Variants in PTPRA observed in about 807,000 individuals in gnomAD.
PTPRA encodes the protein protein tyrosine phosphatase receptor type A.
PTPRA carries 25 observed loss-of-function variants against 104.8 expected under a neutral mutation model. The observed-to-expected ratio is 0.24, with a 90% CI of 0.17 to 0.33. The LOEUF (loss-of-function observed/expected upper bound fraction) is 0.33, where lower values mean the gene tolerates loss of function less well. Ranked by LOEUF, PTPRA falls within the 10% of genes least tolerant of loss-of-function variation. PTPRA has a pLI of 1.00. For synonymous variants in PTPRA, 323 were observed against 368.9 expected, an observed-to-expected ratio of 0.88 and a Z score of 1.43; for missense variants, 765 against 1,015.3, an observed-to-expected ratio of 0.75 and a Z score of 3.35.
chr20:2,875,695 C>G (rs1292012241), intron 1 of PTPRA, among the ~76,000 whole-genome samples: 3 of 152,156 alleles, frequency 2.0e-5, no homozygotes, highest in Non-Finnish European at 4.4e-5. Context: ...TTCCCTCAGT[C>G]TTTTCAACAG....
chr20:2,864,214 A>C, the PTPRA span: 1 of 1,614,106 alleles, frequency 6.2e-7, no homozygotes, highest in East Asian at 2.2e-5. This position sits in a 1 kb window ranked among gnomAD's most constrained non-coding sequence, Gnocchi z 5.2. Flanking sequence ...GGGAGCAGGT[A>C]CCCCTTCTCC....
chr20:2,997,533 A>G (rs557543425), intron 9 of PTPRA, among the ~76,000 whole-genome samples: 1 of 152,324 alleles, frequency 6.6e-6, no homozygotes, highest in East Asian at 1.9e-4. Context: ...AAACTGGACC[A>G]TGGGGGTGAA....
chr20:2,893,991 A>G (rs780073060), intron 1 of PTPRA, among the ~76,000 whole-genome samples: 2 of 152,182 alleles, frequency 1.3e-5, no homozygotes, highest in Non-Finnish European at 2.9e-5. Flanking sequence ...TAATTAAAAT[A>G]ACAATAGCAT....
intron 1 of PTPRA, among the ~76,000 whole-genome samples, chr20:2,896,271 A>C (rs1339854863): frequency 2.6e-5 from 4 of 151,882 alleles, no homozygotes; most frequent in Non-Finnish European, 5.9e-5. Flanking sequence ...CCCAGCTACT[A>C]GGGAGGCTGA....
chr20:2,894,741 C>CT (rs561079473), intron 1 of PTPRA, among the ~76,000 whole-genome samples: 89 of 152,142 alleles, frequency 5.8e-4, no homozygotes, highest in Non-Finnish European at 1.0e-3. Context: ...AATCCCAGCA[C>CT]TTTGGGAGGC....
chr20:3,033,433 C>G (rs1328994087), intron 20 of PTPRA, among the ~76,000 whole-genome samples: 1 of 151,994 alleles, frequency 6.6e-6, no homozygotes, highest in Non-Finnish European at 1.5e-5. Context: ...TCTGAACAAG[C>G]CCTCGTCTCT....
rs913988662 is a variant in PTPRA at position 3,035,677 on chromosome 20, C to T, written c.2013C>T (p.Tyr671=). The T allele has an allele frequency of 2.6e-5, 42 of 1,614,072 alleles. No homozygotes were observed. The highest frequency in any genetic ancestry group is 3.0e-5 in the Non-Finnish European group (35 of 1,180,032). The change falls in exon 21 of 24, where the codon TAC becomes TAT. Residue 671 remains tyrosine, a synonymous_variant. Coordinates refer to ENST00000399903, the MANE Select transcript of PTPRA (RefSeq NM_001385305.1). This position sits in a 1 kb window ranked among gnomAD's most constrained non-coding sequence, Gnocchi z 5.8. ...ELKKEEECES[Y]TVRDLLVTNT... Reference sequence around the variant, plus strand: ...AGAAGGAGGAGGAATGTGAGAGCTACACCGTCCGAGACCTCCTGGTCACCA... The same window carrying T: ...AGAAGGAGGAGGAATGTGAGAGCTATACCGTCCGAGACCTCCTGGTCACCA...
intron 1 of PTPRA, among the ~76,000 whole-genome samples, chr20:2,914,445 C>CTGTGTGTGTGTG (rs35272226): frequency 4.9e-4 from 71 of 145,720 alleles, no homozygotes; most frequent in South Asian, 4.2e-3. Context: ...ATTTCTTGCT[C>CTGTGTGTGTGTG]TGTGTGTGTG....
chr20:2,865,344 G>C, the PTPRA span: 1 of 1,613,956 alleles, frequency 6.2e-7, no homozygotes, highest in Non-Finnish European at 8.5e-7. This position sits in a 1 kb window ranked among gnomAD's most constrained non-coding sequence, Gnocchi z 5.2. Context: ...GCTGCATGTG[G>C]GTCCCAGGAC....
chr20:3,001,063 A>G (rs753480685), intron 9 of PTPRA, among the ~76,000 whole-genome samples: 36 of 152,222 alleles, frequency 2.4e-4, no homozygotes, highest in Admixed American at 1.8e-3. Flanking sequence ...GGTTCCAGTT[A>G]AGGCTTAAAC....
intron 9 of PTPRA, among the ~76,000 whole-genome samples, chr20:2,997,016 G>A (rs934828702): frequency 9.2e-5 from 14 of 152,172 alleles, no homozygotes; most frequent in African/African-American, 3.4e-4. Context: ...AGATAAAAAC[G>A]CAAATATCTG....
chr20:3,012,398 T>A (rs1224120372), intron 11 of PTPRA, among the ~76,000 whole-genome samples: 1 of 152,144 alleles, frequency 6.6e-6, no homozygotes, highest in African/African-American at 2.4e-5. Flanking sequence ...GGTGGTTGAT[T>A]TATATATGAG....
At chr20:3,005,207 T>C in intron 10 of PTPRA, 61 bp downstream of exon 10, 2 of 1,474,604 alleles carry the variant, frequency 1.4e-6, no homozygotes, top group Non-Finnish European at 1.9e-6. Context: ...AGGGATTTTC[T>C]GAAGATGGAA....
intron 13 of PTPRA, among the ~76,000 whole-genome samples, chr20:3,021,055 G>A (rs2064843773): frequency 1.3e-5 from 2 of 152,210 alleles, no homozygotes; most frequent in African/African-American, 4.8e-5. Context: ...GAGTGTGGGT[G>A]GGAAACATTG....
At chr20:3,007,283 C>T (rs966576955) in intron 10 of PTPRA, 61 bp from the exon 11 acceptor site, 11 of 1,498,950 alleles carry the variant, frequency 7.3e-6, no homozygotes, top group African/African-American at 2.8e-5. Context: ...GTCCTGGTTG[C>T]GTCAGGTTCT....
At chr20:2,966,360 T>G (rs1328941710) in intron 5 of PTPRA, among the ~76,000 whole-genome samples, 1 of 152,238 alleles carries the variant, frequency 6.6e-6, no homozygotes, top group Non-Finnish European at 1.5e-5. Flanking sequence ...GTAATAGTTC[T>G]TACCTCATAG....
At chr20:2,963,985 A>C (rs2061853586) in intron 3 of PTPRA, among the ~76,000 whole-genome samples, 1 of 149,636 alleles carries the variant, frequency 6.7e-6, no homozygotes, top group Non-Finnish European at 1.5e-5. Flanking sequence ...GGCTGCACTG[A>C]GCTATGATCA....
intron 9 of PTPRA, among the ~76,000 whole-genome samples, chr20:3,002,901 C>T (rs1192526489): frequency 2.0e-5 from 3 of 152,168 alleles, no homozygotes; most frequent in Non-Finnish European, 4.4e-5. Flanking sequence ...CCTGCCATCC[C>T]CATCAACCTC....
chr20:2,886,999 ATGAT>A (rs1428226921), intron 1 of PTPRA, among the ~76,000 whole-genome samples: 1 of 152,192 alleles, frequency 6.6e-6, no homozygotes, highest in Non-Finnish European at 1.5e-5. Context: ...GGGTGAAAAA[ATGAT>A]TATCACAGTT....
Sources: allele counts gnomAD v4.1 joint callset (sites outside exome capture counted in the v4.1 genomes callset), GRCh38; gene constraint gnomAD v4.1.1; non-coding constraint Gnocchi (gnomAD v3.1); transcripts MANE v1.5; gene names NCBI Gene and HGNC (gene_info 2026-07-23, HGNC 2026-07-21).